GPHN: variants seen among roughly 807,000 people sequenced by gnomAD.
The protein encoded by GPHN is gephyrin.
GPHN carries 17 observed loss-of-function variants against 95.5 expected under a neutral mutation model. The ratio of observed to expected loss-of-function variants is 0.18; its 90% CI spans 0.12 to 0.27. GPHN has a LOEUF of 0.27. GPHN is among the 10% of genes least tolerant of loss of function. The probability of loss-of-function intolerance (pLI) is 1.00; values close to 1 mark genes in which losing one functional copy is unlikely to be tolerated. For synonymous variants in GPHN, 320 were observed against 322.5 expected (o/e 0.99, Z 0.08); for missense variants, 660 against 978.1 (o/e 0.67, Z 4.34).
chr14:67,117,738 A>G (rs1050486888), intron 16 of GPHN, among the ~76,000 whole-genome samples: 1 of 152,184 alleles, frequency 6.6e-6, no homozygotes, highest in Admixed American at 6.5e-5. Flanking sequence ...CCAATCAGAT[A>G]ACCAAACAAT....
At chr14:67,296,956 C>G in the GPHN span, among the ~76,000 whole-genome samples, 1 of 152,126 alleles carries the variant, frequency 6.6e-6, no homozygotes, top group Non-Finnish European at 1.5e-5. Flanking sequence ...CACCTGGCCT[C>G]CTATGATGAT....
the GPHN span, among the ~76,000 whole-genome samples, chr14:67,295,223 G>A: frequency 2.0e-5 from 3 of 151,588 alleles, no homozygotes; most frequent in Admixed American, 6.6e-5. Context: ...GGAGGCTCAC[G>A]CCTGTAATCC....
chr14:67,381,775 T>A, the GPHN span: 26 of 922,650 alleles, frequency 2.8e-5, no homozygotes, highest in Admixed American at 7.5e-5. Flanking sequence ...TTTTTTTTTT[T>A]AATCACATTT....
chr14:66,588,168 TA>T (rs1045883313), intron 1 of GPHN, among the ~76,000 whole-genome samples: 56 of 152,128 alleles, frequency 3.7e-4, no homozygotes, highest in African/African-American at 1.3e-3. Flanking sequence ...GAAGGAAAAC[TA>T]ATGAACAGAA....
At chr14:67,040,759 T>C (rs1265540016) in intron 10 of GPHN, among the ~76,000 whole-genome samples, 1 of 152,198 alleles carries the variant, frequency 6.6e-6, no homozygotes, top group African/African-American at 2.4e-5. Flanking sequence ...TAATTCTTGT[T>C]ATACATTTGG....
At chr14:67,363,140 A>C in the GPHN span, among the ~76,000 whole-genome samples, 61 of 152,238 alleles carry the variant, frequency 4.0e-4, no homozygotes, top group Non-Finnish European at 7.8e-4. Flanking sequence ...TTTTATGCCC[A>C]ATTTGAAACT....
At chr14:67,390,003 G>T in the GPHN span, among the ~76,000 whole-genome samples, 1 of 152,018 alleles carries the variant, frequency 6.6e-6, no homozygotes, top group Non-Finnish European at 1.5e-5. Flanking sequence ...CAGTGAGGAA[G>T]GAACTGCCCA....
intron 18 of GPHN, among the ~76,000 whole-genome samples, chr14:67,157,133 GA>G (rs34842851): frequency 0.18 from 27,048 of 151,734 alleles, 2,743 homozygotes; most frequent in Non-Finnish European, 0.24. Flanking sequence ...TAAAAGATTT[GA>G]AAAAGTTACA....
chr14:66,970,426 A>G (rs937017374), intron 9 of GPHN, among the ~76,000 whole-genome samples: 1 of 152,170 alleles, frequency 6.6e-6, no homozygotes, highest in African/African-American at 2.4e-5. Flanking sequence ...ATTCTATATC[A>G]GCATAATATT....
At chr14:66,603,768 A>G (rs2062378889) in intron 1 of GPHN, among the ~76,000 whole-genome samples, 1 of 151,938 alleles carries the variant, frequency 6.6e-6, no homozygotes. Flanking sequence ...AAAATTTTTA[A>G]TTTTTTATTC....
chr14:66,632,733 C>T (rs896337675), intron 1 of GPHN, among the ~76,000 whole-genome samples: 4 of 151,974 alleles, frequency 2.6e-5, no homozygotes, highest in African/African-American at 7.2e-5. Context: ...CCTCGTGATC[C>T]GCCTGCCTGG....
chr14:67,133,964 G>A (rs1387705347), intron 17 of GPHN, among the ~76,000 whole-genome samples: 1 of 152,148 alleles, frequency 6.6e-6, no homozygotes, highest in African/African-American at 2.4e-5. Flanking sequence ...AAAATGAAAG[G>A]GAGAAGAGTA....
At chr14:67,174,599 A>G (rs1242954191) in intron 21 of GPHN, among the ~76,000 whole-genome samples, 1 of 152,192 alleles carries the variant, frequency 6.6e-6, no homozygotes, top group Non-Finnish European at 1.5e-5. Context: ...TATACCCAGT[A>G]ATGGGATGGC....
intron 2 of GPHN, among the ~76,000 whole-genome samples, chr14:66,742,734 T>TTTGTTTTTGTTCTTC (rs2072895443): frequency 6.6e-6 from 1 of 152,136 alleles, no homozygotes; most frequent in Non-Finnish European, 1.5e-5. Flanking sequence ...CTGGCCTTCA[T>TTTGTTTTTGTTCTTC]TTGTTTTTGT....
intron 4 of GPHN, among the ~76,000 whole-genome samples, chr14:66,831,195 A>G (rs1195911332): frequency 6.6e-6 from 1 of 152,132 alleles, no homozygotes; most frequent in Admixed American, 6.6e-5. Context: ...CTACATTTTA[A>G]CAGAAGCATA....
the GPHN span, chr14:67,590,134 G>A: frequency 6.4e-7 from 1 of 1,551,102 alleles, no homozygotes. Flanking sequence ...GGCAGCTCCT[G>A]TATACTTCAA....
intron 11 of GPHN, among the ~76,000 whole-genome samples, chr14:67,078,258 T>G (rs2076569602): frequency 6.6e-6 from 1 of 152,104 alleles, no homozygotes; most frequent in South Asian, 2.1e-4. Flanking sequence ...AGCCATCTTT[T>G]GCTTATTATA....
At chr14:67,414,488 C>G in the GPHN span, among the ~76,000 whole-genome samples, 1 of 152,338 alleles carries the variant, frequency 6.6e-6, no homozygotes, top group East Asian at 1.9e-4. Flanking sequence ...CAGGGACGAG[C>G]AAGAAGCTTT....
the GPHN span, chr14:67,575,359 T>G: frequency 7.5e-7 from 1 of 1,338,006 alleles, no homozygotes; most frequent in South Asian, 1.3e-5. Context: ...AGTTACCTAG[T>G]TCTCATAATG....
Sources: gnomAD v4.1 joint callset for allele counts (sites outside exome capture counted in the v4.1 genomes callset) on GRCh38, gnomAD v4.1.1 for gene constraint, MANE v1.5 for transcripts, NCBI Gene and HGNC (gene_info 2026-07-23, HGNC 2026-07-21) for gene names.